The following CYP3A4 variants were observed in gnomAD, a reference collection of about 807,000 sequenced individuals.
CYP3A4 encodes cytochrome P450 family 3 subfamily A member 4.
In CYP3A4, 41 loss-of-function variants were observed where a neutral mutation model predicts 54.9. The ratio of observed to expected loss-of-function variants is 0.75; its 90% CI spans 0.58 to 0.97. The LOEUF (loss-of-function observed/expected upper bound fraction) is 0.97, where lower values mean the gene tolerates loss of function less well. CYP3A4 is among the 50% of genes least tolerant of loss of function. CYP3A4 has a pLI of 0.00. For synonymous variants in CYP3A4, 179 were observed against 205.2 expected, an observed-to-expected ratio of 0.87 and a Z score of 1.09; for missense variants, 510 against 597.3, an observed-to-expected ratio of 0.85 and a Z score of 1.52.
At chr7:99,772,271 T>C (rs1815655115) in intron 4 of CYP3A4, among the ~76,000 whole-genome samples, 1 of 152,084 alleles carries the variant, frequency 6.6e-6, no homozygotes, top group South Asian at 2.1e-4. Context: ...GGTTCTGCGT[T>C]TTGATCATGC....
At chr7:99,783,111 C>A (rs963074809) in intron 1 of CYP3A4, among the ~76,000 whole-genome samples, 2 of 152,130 alleles carry the variant, frequency 1.3e-5, no homozygotes, top group South Asian at 4.1e-4. Context: ...AATTTCTAAC[C>A]TTTCTGTGAA....
Position 99,769,883 on chromosome 7 carries a change from T to C in CYP3A4, c.433-27A>G, listed in dbSNP as rs764384027. ...TAAGCACAAAACACAACACCACCCATAGTTAAATGTGCAGACTCTAGTCCC... is the reference window on the plus strand; with the variant it reads ...TAAGCACAAAACACAACACCACCCACAGTTAAATGTGCAGACTCTAGTCCC... On this transcript the variant is annotated intron_variant, in intron 5 of 12. Transcript: ENST00000651514. The C allele has an allele frequency of 9.3e-6, 15 of 1,613,452 alleles. No individual in the cohort carries two copies. The South Asian group carries it at 1.6e-4, about 18-fold the overall frequency.
At chr7:99,759,644 A>G (rs1218409870) in intron 12 of CYP3A4, among the ~76,000 whole-genome samples, 1 of 152,174 alleles carries the variant, frequency 6.6e-6, no homozygotes, top group African/African-American at 2.4e-5. Flanking sequence ...GACATTTTAG[A>G]TACAAAGAAA....
intron 3 of CYP3A4, 62 bp from the exon 4 acceptor site, chr7:99,772,751 C>A: frequency 1.9e-6 from 3 of 1,557,232 alleles, no homozygotes; most frequent in Non-Finnish European, 2.6e-6. Flanking sequence ...TGGAGCCCAA[C>A]CCAGGAAGCC....
Position 99,760,803 on chromosome 7 carries a change from T to G in CYP3A4, c.1416+16A>C, listed in dbSNP as rs374089649. ...AATTATTAATACAACATTATTTTTA[T>G]AGAAAATTGACTAACCTGTGTTTCT... On this transcript the variant is annotated intron_variant, in intron 12 of 12. Coordinates refer to ENST00000651514, the MANE Select transcript of CYP3A4 (RefSeq NM_017460.6). The G allele has an allele frequency of 1.2e-6, 2 of 1,612,640 alleles. No homozygotes were observed. Among genetic ancestry groups the G allele is most frequent in the East Asian group, 2.2e-5 (1 of 44,818 alleles).
At chr7:99,764,615 C>G (rs1411287471) in intron 9 of CYP3A4, among the ~76,000 whole-genome samples, 1 of 152,182 alleles carries the variant, frequency 6.6e-6, no homozygotes, top group Admixed American at 6.5e-5. Context: ...TGCAAAATCT[C>G]AAACCCCACC....
At chr7:99,759,822 TGAG>T (rs1267626063) in intron 12 of CYP3A4, among the ~76,000 whole-genome samples, 1 of 150,062 alleles carries the variant, frequency 6.7e-6, no homozygotes, top group Non-Finnish European at 1.5e-5. Flanking sequence ...AAGAACAAAA[TGAG>T]GAGAAAGGGA....
At chr7:99,776,249 G>A (rs1815769389) in intron 3 of CYP3A4, among the ~76,000 whole-genome samples, 1 of 152,286 alleles carries the variant, frequency 6.6e-6, no homozygotes, top group South Asian at 2.1e-4. Flanking sequence ...GTTGGTGGGA[G>A]TGTAAATTAG....
chr7:99,760,589 A>C (rs945495079), intron 12 of CYP3A4, among the ~76,000 whole-genome samples: 9 of 152,232 alleles, frequency 5.9e-5, no homozygotes, highest in Non-Finnish European at 1.2e-4. Context: ...GAGACTGCAG[A>C]TAATTATGCC....
intron 12 of CYP3A4, 123 bp downstream of exon 12, chr7:99,760,696 G>T: frequency 2.3e-6 from 3 of 1,296,584 alleles, no homozygotes; most frequent in Admixed American, 2.3e-5. Context: ...GGGCCTAATT[G>T]ATTCTTTGGC....
chr7:99,774,323 T>A (rs1815703922), intron 3 of CYP3A4, among the ~76,000 whole-genome samples: 1 of 152,122 alleles, frequency 6.6e-6, no homozygotes. Context: ...AAGGAGGGAA[T>A]CCTCCCTAAC....
chr7:99,764,828 T>G (rs1460591480), intron 9 of CYP3A4, among the ~76,000 whole-genome samples: 1 of 152,240 alleles, frequency 6.6e-6, no homozygotes, highest in Non-Finnish European at 1.5e-5. Context: ...TGTAGTCTGA[T>G]GGATGGCATT....
At chr7:99,774,287 T>C (rs1815703109) in intron 3 of CYP3A4, among the ~76,000 whole-genome samples, 1 of 152,234 alleles carries the variant, frequency 6.6e-6, no homozygotes, top group Non-Finnish European at 1.5e-5. Flanking sequence ...TTATCATTCC[T>C]TCTGAAATTT....
intron 9 of CYP3A4, among the ~76,000 whole-genome samples, chr7:99,765,313 T>C (rs960289168): frequency 2.0e-5 from 3 of 152,376 alleles, no homozygotes; most frequent in African/African-American, 7.2e-5. Flanking sequence ...TAGCCATATG[T>C]GTCTAGTGAT....
At chr7:99,761,686 C>T (rs1489492016) in intron 11 of CYP3A4, among the ~76,000 whole-genome samples, 1 of 151,976 alleles carries the variant, frequency 6.6e-6, no homozygotes, top group Non-Finnish European at 1.5e-5. Flanking sequence ...AATGTTATTC[C>T]TAAATATTTG....
At chr7:99,779,843 A>G in intron 2 of CYP3A4, 149 bp downstream of exon 2, 9 of 718,418 alleles carry the variant, frequency 1.3e-5, no homozygotes, top group Non-Finnish European at 2.0e-5. Flanking sequence ...CCTTGGGTAA[A>G]CATTGCCATG....
At chr7:99,766,484 C>T (rs756248948) in intron 8 of CYP3A4, 41 bp from the exon 9 acceptor site, 1 of 1,612,228 alleles carries the variant, frequency 6.2e-7, no homozygotes, top group African/African-American at 1.3e-5. Flanking sequence ...GAAAGTGGCT[C>T]CTGAAGTCAG....
Position 99,784,024 on chromosome 7 carries a change from C to T in CYP3A4, c.58G>A (p.Val20Met), listed in dbSNP as rs370065470. The change falls in exon 1 of 13, where the codon GTG becomes ATG. Residue 20 changes from valine to methionine, a missense_variant. Val to Met is a conservative substitution (Grantham distance 21). Coordinates refer to ENST00000651514, the MANE Select transcript of CYP3A4 (RefSeq NM_017460.6). ...ACAGTTACTCACAGATAGAGGAGCA[C>T]CAGGCTGACAGCCAGGAGAAGCCAG... The part of the protein sequence containing the change: ...ETWLLLAVSL[V>M]LLYLYGTHSH... The T allele has an allele frequency of 9.3e-6, 15 of 1,613,714 alleles. No homozygotes were observed. In the African/African-American group the frequency reaches 1.5e-4, roughly 16 times the overall value.
At chr7:99,766,644 G>T (rs1815484035) in intron 8 of CYP3A4, 3 of 650,090 alleles carry the variant, frequency 4.6e-6, no homozygotes, top group Non-Finnish European at 7.7e-6. Flanking sequence ...AACAAATCTG[G>T]CTATCATGTG....
Sources: gnomAD v4.1 joint callset for allele counts (sites outside exome capture counted in the v4.1 genomes callset) on GRCh38, gnomAD v4.1.1 for gene constraint, MANE v1.5 for transcripts, NCBI Gene and HGNC (gene_info 2026-07-23, HGNC 2026-07-21) for gene names.